SLC35B4: variants seen among roughly 807,000 people sequenced by gnomAD.
SLC35B4 encodes nucleotide sugar transporter SLC35B4.
A neutral mutation model predicts 39.5 loss-of-function variants in SLC35B4; 28 were observed. The ratio of observed to expected loss-of-function variants is 0.71; its 90% CI spans 0.53 to 0.97. SLC35B4 has a LOEUF of 0.97. Ranked by LOEUF, SLC35B4 falls within the 50% of genes least tolerant of loss-of-function variation. The pLI, the probability that SLC35B4 is intolerant of heterozygous loss-of-function variation, is 0.00. For synonymous variants in SLC35B4, 145 were observed against 150.4 expected (o/e 0.96, Z 0.26); for missense variants, 334 against 414.3 (o/e 0.81, Z 1.68).
rs999048847 is a variant in SLC35B4 at position 134,294,428 on chromosome 7, A to T, written c.*405T>A. On this transcript the variant is annotated 3_prime_UTR_variant, in exon 10 of 10. Coordinates refer to ENST00000378509, the MANE Select transcript of SLC35B4 (RefSeq NM_032826.5). ...GAAAAGGTGATGGGAGACAAAAGGG[A>T]TAAGGTCACAGGATGACAATGACTG... is the stretch of plus-strand genomic sequence containing the variant. 1.2e-5 allele frequency: 2 copies of T among 170,782 alleles called. No homozygotes were observed. Among genetic ancestry groups the T allele is most frequent in the Non-Finnish European group, 2.6e-5 (2 of 77,904 alleles). 10.6% of individuals were successfully genotyped at this position (170,782 alleles called of 1,614,324 possible).
At chr7:134,313,054 C>A (rs1325735581) in intron 1 of SLC35B4, among the ~76,000 whole-genome samples, 2 of 152,190 alleles carry the variant, frequency 1.3e-5, no homozygotes, top group African/African-American at 4.8e-5. Flanking sequence ...CTAATGTACT[C>A]AAATAATTTA....
At chr7:134,299,317 A>C (rs747478372) in intron 8 of SLC35B4, 24 of 480,416 alleles carry the variant, frequency 5.0e-5, no homozygotes, top group Non-Finnish European at 8.2e-5. Flanking sequence ...ACTCGAAGAT[A>C]TTCTTTTACT....
chr7:134,302,220 G>A (rs1803598846), intron 4 of SLC35B4, 110 bp from the exon 5 acceptor site: 3 of 847,576 alleles, frequency 3.5e-6, no homozygotes, highest in African/African-American at 1.7e-5. Context: ...ACTAAAGTAT[G>A]ACAGACAGGA....
At position 134,304,869 on chromosome 7, in the gene SLC35B4, A is replaced by G. The variant is rs761852629; in HGVS notation, c.295-15T>C. ...ATTAGAGAACCCTGCAAAAGGAGAC[A>G]ACAGTAACAGAGAGGTTTAGTGCAC... is the stretch of plus-strand genomic sequence containing the variant. On this transcript the variant is annotated splice_polypyrimidine_tract_variant and intron_variant, in intron 3 of 9. Coordinates refer to ENST00000378509, the MANE Select transcript of SLC35B4 (RefSeq NM_032826.5). The G allele has an allele frequency of 1.2e-6, 2 of 1,609,936 alleles. No individual in the cohort carries two copies. The highest frequency in any genetic ancestry group is 2.2e-5 in the South Asian group (2 of 90,880).
At chr7:134,305,336 G>GTATATATATA (rs112975529) in intron 3 of SLC35B4, among the ~76,000 whole-genome samples, 46 of 149,300 alleles carry the variant, frequency 3.1e-4, no homozygotes, top group African/African-American at 1.1e-3. Flanking sequence ...AAAAATATAC[G>GTATATATATA]TATATATATA....
At chr7:134,301,520 C>T (rs1052110361) in intron 6 of SLC35B4, among the ~76,000 whole-genome samples, 2 of 152,194 alleles carry the variant, frequency 1.3e-5, no homozygotes, top group African/African-American at 4.8e-5. Flanking sequence ...TCTTTCTACA[C>T]CAGTGGCAAC....
At position 134,294,513 on chromosome 7, in the gene SLC35B4, T is replaced by G; in HGVS notation, c.*320A>C. ...GGACAATCTTTTCCAAGACCATGGATAGTAAGCCTTTTGTTCAGGAGACTC... is the reference window on the plus strand; with the variant it reads ...GGACAATCTTTTCCAAGACCATGGAGAGTAAGCCTTTTGTTCAGGAGACTC... On this transcript the variant is annotated 3_prime_UTR_variant, in exon 10 of 10. Coordinates refer to ENST00000378509, the MANE Select transcript of SLC35B4 (RefSeq NM_032826.5). The G allele has an allele frequency of 4.0e-6, 1 of 248,442 alleles. No individual in the cohort carries two copies. Among genetic ancestry groups the G allele is most frequent in the South Asian group, 6.6e-5 (1 of 15,098 alleles). The allele number at this position is 248,442 out of a possible 1,614,324, so 15.4% of individuals were successfully genotyped here.
chr7:134,293,237 T>C lies in SLC35B4; in HGVS notation c.*1596A>G, dbSNP rs574780949. On this transcript the variant is annotated 3_prime_UTR_variant, in exon 10 of 10. Coordinates refer to ENST00000378509, the MANE Select transcript of SLC35B4 (RefSeq NM_032826.5). ...TTACAGAGGAGCATGTACTGGTATG[T>C]AAGGTTCCAGCTAAGTAAAGAAAAG... 1.3e-5 allele frequency: 2 copies of C among 152,338 alleles called. No homozygotes were observed. The highest frequency in any genetic ancestry group is 4.8e-5 in the African/African-American group (2 of 41,558). The allele number at this position is 152,338 out of a possible 1,614,324, so 9.4% of individuals were successfully genotyped here.
At chr7:134,320,216 G>A (rs772420639), upstream of SLC35B4, among the ~76,000 whole-genome samples, 17 of 152,314 alleles carry the variant, frequency 1.1e-4, no homozygotes, top group Non-Finnish European at 2.2e-4. Context: ...GGGTTCTCAT[G>A]CAGTTGCAGT....
At position 134,315,272 on chromosome 7, in the gene SLC35B4, C is replaced by T. The variant is rs73727222; in HGVS notation, c.77+1403G>A. On this transcript the variant is annotated intron_variant, in intron 1 of 9. Transcript: ENST00000378509. Reference sequence around the variant, plus strand: ...TCACCTAACTTCTTTGGACCATTTCCACTTCAGTAAAACAGTTTATAATTC... The same window carrying T: ...TCACCTAACTTCTTTGGACCATTTCTACTTCAGTAAAACAGTTTATAATTC... Among the ~76,000 whole-genome samples, 1,348 of 152,262 alleles carry T rather than the reference C, an allele frequency of 8.9e-3. 33 individuals are homozygous for T. Among genetic ancestry groups the T allele is most frequent in the African/African-American group, 0.031 (1,291 of 41,542 alleles).
chr7:134,312,088 C>G (rs1347827532), intron 1 of SLC35B4, among the ~76,000 whole-genome samples: 1 of 152,140 alleles, frequency 6.6e-6, no homozygotes, highest in East Asian at 1.9e-4. Flanking sequence ...CTGAAAAGCA[C>G]TTAACACAGC....
chr7:134,301,469 T>C (rs924125532), intron 6 of SLC35B4, among the ~76,000 whole-genome samples: 8 of 152,212 alleles, frequency 5.3e-5, no homozygotes, highest in African/African-American at 1.9e-4. Flanking sequence ...AAGAGACGGA[T>C]GACATTCAAA....
chr7:134,306,591 T>G (rs1230509846), intron 3 of SLC35B4, 81 bp downstream of exon 3: 1 of 1,170,866 alleles, frequency 8.5e-7, no homozygotes, highest in African/African-American at 1.5e-5. Context: ...ACAAGAACCT[T>G]CTAGTTCTGC....
intron 1 of SLC35B4, among the ~76,000 whole-genome samples, chr7:134,310,108 G>A (rs1451080285): frequency 6.6e-6 from 1 of 152,200 alleles, no homozygotes; most frequent in Admixed American, 6.5e-5. Flanking sequence ...TATGGCAGGG[G>A]AGGGATTAAG....
At chr7:134,300,028 TG>T in intron 7 of SLC35B4, 123 bp downstream of exon 7, 1 of 666,660 alleles carries the variant, frequency 1.5e-6, no homozygotes, top group Non-Finnish European at 2.5e-6. Flanking sequence ...CTTCAGTCTG[TG>T]GGTCTCAAAG....
rs1279209478 is a variant in SLC35B4 at position 134,302,801 on chromosome 7, C to T, written c.345-691G>A. Among the ~76,000 whole-genome samples the T allele has an allele frequency of 2.0e-5, 3 of 151,976 alleles. No homozygotes were observed. In the East Asian group the frequency reaches 5.8e-4, roughly 29 times the overall value. ...AAAGAAATTAAGAAGATGAACCATC[C>T]CAGGTTTTCTACTCAAATACATAGT... On this transcript the variant is annotated intron_variant, in intron 4 of 9. Coordinates refer to ENST00000378509, the MANE Select transcript of SLC35B4 (RefSeq NM_032826.5).
Position 134,306,772 on chromosome 7 carries a change from T to A in SLC35B4, c.194A>T (p.Tyr65Phe). 2 of 1,611,084 alleles carry A rather than the reference T, an allele frequency of 1.2e-6. No individual in the cohort carries two copies. Among genetic ancestry groups the A allele is most frequent in the Non-Finnish European group, 1.7e-6 (2 of 1,177,690 alleles). ...GAACATGGTCACCATTATGGCATAG[T>A]ACCTGAAATGCAGACAGAACAGCTC... ...GRKPPAIPIR[Y>F]YAIMVTMFFT... Residue 65 changes from tyrosine to phenylalanine, a missense_variant and splice_region_variant, in exon 3 of 10, where the codon TAC becomes TTC. Tyr to Phe is a conservative substitution (Grantham distance 22, BLOSUM62 3). Coordinates refer to ENST00000378509, the MANE Select transcript of SLC35B4 (RefSeq NM_032826.5).
rs1292856132 is a variant in SLC35B4 at position 134,300,177 on chromosome 7, T to C, written c.572A>G (p.His191Arg). The change falls in exon 7 of 10, where the codon CAC becomes CGC. Residue 191 changes from histidine (H) to arginine (R), a missense_variant. His to Arg is a conservative substitution (Grantham distance 29, BLOSUM62 0). Transcript: ENST00000378509. ...QETLYKRFGK[H>R]SKEALFYNHA... ...ATTATAAAACAAAGCCTCCTTGGAG[T>C]GTTTCCCAAATCGTTTGTAGAGAGT... is the stretch of plus-strand genomic sequence containing the variant. 2 of 1,612,084 alleles carry C rather than the reference T, an allele frequency of 1.2e-6. No homozygotes were observed. Among genetic ancestry groups the C allele is most frequent in the South Asian group, 2.2e-5 (2 of 90,502 alleles).
At chr7:134,297,499 CA>C (rs758192381) in intron 8 of SLC35B4, among the ~76,000 whole-genome samples, 2 of 151,890 alleles carry the variant, frequency 1.3e-5, no homozygotes, top group South Asian at 4.1e-4. Context: ...GCTACATAAA[CA>C]AAGGCACTTT....
Sources: gnomAD v4.1 joint callset for allele counts (sites outside exome capture counted in the v4.1 genomes callset) on GRCh38, gnomAD v4.1.1 for gene constraint, MANE v1.5 for transcripts, NCBI Gene and HGNC (gene_info 2026-07-23, HGNC 2026-07-21) for gene names.